The following MEGF11 variants were observed in gnomAD, a reference collection of about 807,000 sequenced individuals.
MEGF11 encodes multiple epidermal growth factor-like domains protein 11.
MEGF11 carries 126 observed loss-of-function variants against 146.6 expected under a neutral mutation model. That is an observed-to-expected ratio of 0.86 (90% CI 0.74 to 1.00). MEGF11 has a LOEUF of 1.00. MEGF11 is among the 50% of genes least tolerant of loss of function. The pLI, the probability that MEGF11 is intolerant of heterozygous loss-of-function variation, is 0.00. For synonymous variants in MEGF11, 532 were observed against 583.4 expected (o/e 0.91, Z 1.27); for missense variants, 1,509 against 1,521.2 (o/e 0.99, Z 0.13).
At chr15:66,162,244 G>A (rs1597129037) in intron 1 of MEGF11, among the ~76,000 whole-genome samples, 1 of 152,324 alleles carries the variant, frequency 6.6e-6, no homozygotes, top group East Asian at 1.9e-4. Context: ...TAAAAAGAGA[G>A]TGGCCCGATG....
chr15:66,212,749 C>A (rs1231955451), intron 1 of MEGF11, among the ~76,000 whole-genome samples: 1 of 151,782 alleles, frequency 6.6e-6, no homozygotes, highest in African/African-American at 2.4e-5. Context: ...CCTGAGGTGG[C>A]AGCCAGCACA....
At chr15:65,984,837 C>T (rs982419889) in intron 5 of MEGF11, among the ~76,000 whole-genome samples, 1 of 151,088 alleles carries the variant, frequency 6.6e-6, no homozygotes, top group Non-Finnish European at 1.5e-5. Context: ...GGTGTGATCT[C>T]GGCTCACTGC....
intron 1 of MEGF11, among the ~76,000 whole-genome samples, chr15:66,241,156 C>A (rs1210869417): frequency 6.6e-6 from 1 of 152,178 alleles, no homozygotes; most frequent in Non-Finnish European, 1.5e-5. Flanking sequence ...AAATCTCCCC[C>A]GCAGCTGCTC....
At chr15:66,180,924 G>T (rs1219675963) in intron 1 of MEGF11, among the ~76,000 whole-genome samples, 1 of 152,186 alleles carries the variant, frequency 6.6e-6, no homozygotes, top group Non-Finnish European at 1.5e-5. Flanking sequence ...CAACAGAAGA[G>T]CCTTTTGCAT....
chr15:66,137,559 CTTT>C (rs10647289), intron 1 of MEGF11, among the ~76,000 whole-genome samples: 4 of 142,134 alleles, frequency 2.8e-5, no homozygotes, highest in African/African-American at 5.2e-5. Flanking sequence ...GACTTTCTTT[CTTT>C]TTTTTTTTTT....
chr15:66,110,804 C>G (rs1231454455), intron 4 of MEGF11, among the ~76,000 whole-genome samples: 1 of 152,120 alleles, frequency 6.6e-6, no homozygotes, highest in African/African-American at 2.4e-5. Context: ...TTCAGACAGG[C>G]CCCACCATGC....
chr15:66,031,468 G>C (rs2083516456), intron 5 of MEGF11, among the ~76,000 whole-genome samples: 1 of 152,198 alleles, frequency 6.6e-6, no homozygotes, highest in South Asian at 2.1e-4. Context: ...CCGGGCTGGG[G>C]TTCTACCTCA....
Position 65,965,117 on chromosome 15 carries a change from G to A in MEGF11, c.903C>T (p.Cys301=), listed in dbSNP as rs2141563135. Reference sequence around the variant, plus strand: ...AGGACCCGAAGGGGCACTCCTCTTGGCACCTGTGGGAGAGCAGAGTGGGGC... The same window carrying A: ...AGGACCCGAAGGGGCACTCCTCTTGACACCTGTGGGAGAGCAGAGTGGGGC... ...HCTAGYMGDR[C]QEECPFGSFG... is the part of the protein sequence containing the mutation. Residue 301 remains cysteine (C), a synonymous_variant, in exon 9 of 26, where the codon TGC becomes TGT. Coordinates refer to ENST00000395614, the MANE Select transcript of MEGF11 (RefSeq NM_001385028.1). 1.3e-6 allele frequency: 2 copies of A among 1,586,100 alleles called. No individual in the cohort carries two copies. The highest frequency in any genetic ancestry group is 1.7e-5 in the Admixed American group (1 of 58,018).
rs2064722146 is a variant in MEGF11, at chr15:66,094,385, C to T, written c.394+17G>A. On this transcript the variant is annotated intron_variant, in intron 5 of 25. Coordinates refer to ENST00000395614, the MANE Select transcript of MEGF11 (RefSeq NM_001385028.1). ...TCAGAGCCAGGGTGCCTCCTGACCC[C>T]CAAACCCCAGACTCACCGCTGGAGC... is the stretch of plus-strand genomic sequence containing the variant. 3.2e-6 allele frequency: 5 copies of T among 1,551,256 alleles called. No homozygotes were observed. The South Asian group carries it at 3.6e-5, about 11-fold the overall frequency.
chr15:66,148,907 G>C (rs2089466181), intron 1 of MEGF11, among the ~76,000 whole-genome samples: 1 of 152,204 alleles, frequency 6.6e-6, no homozygotes. Flanking sequence ...CCTGGACATG[G>C]CTCTGCCATT....
At chr15:66,017,390 G>A (rs540966379) in intron 5 of MEGF11, among the ~76,000 whole-genome samples, 11 of 152,180 alleles carry the variant, frequency 7.2e-5, no homozygotes, top group Non-Finnish European at 1.3e-4. Context: ...CAGATACGAC[G>A]GTGCCCACTT....
At position 66,233,933 on chromosome 15, in the gene MEGF11, C is replaced by CT. The variant is rs796578908; in HGVS notation, c.-9+19671dup. ...TTTGTTCCACTGGACATTGTCATTT[C>CT]TTTTTTTTTTTCTTTTTCTTTTTTT... On this transcript the variant is annotated intron_variant, in intron 1 of 25. Transcript: ENST00000395614. Among the ~76,000 whole-genome samples, 479 of 131,728 alleles carry CT rather than the reference C, an allele frequency of 3.6e-3. 2 individuals are homozygous for CT. Among genetic ancestry groups the CT allele is most frequent in the African/African-American group, 0.011 (406 of 35,386 alleles). The allele number at this position is 131,728 out of a possible 152,430, so 86.4% of individuals were successfully genotyped here.
chr15:66,141,275 TGTGTGTGTGTGTGTGA>T (rs1445595881), intron 1 of MEGF11, among the ~76,000 whole-genome samples: 7 of 130,270 alleles, frequency 5.4e-5, no homozygotes, highest in East Asian at 3.2e-4. Flanking sequence ...TGTGTGTGTG[TGTGTGTGTGTGTGTGA>T]GAGAGAGAGA....
chr15:66,245,991 T>C (rs2092291247), intron 1 of MEGF11, among the ~76,000 whole-genome samples: 1 of 152,180 alleles, frequency 6.6e-6, no homozygotes. Context: ...CCAGGCATGG[T>C]GGCTCACTCC....
At chr15:65,916,062 T>G in intron 18 of MEGF11, 86 bp downstream of exon 18, 2 of 1,447,624 alleles carry the variant, frequency 1.4e-6, no homozygotes, top group South Asian at 2.8e-5. Context: ...GAGCCCTGAG[T>G]GAGTGGACCT....
intron 5 of MEGF11, among the ~76,000 whole-genome samples, chr15:66,053,746 G>A (rs1210729270): frequency 1.8e-5 from 1 of 56,028 alleles, no homozygotes; most frequent in Non-Finnish European, 3.3e-5. Flanking sequence ...TTTTTTTTTT[G>A]AGACAAGGTC....
chr15:66,077,238 G>A (rs747975124), intron 5 of MEGF11, among the ~76,000 whole-genome samples: 2 of 152,206 alleles, frequency 1.3e-5, no homozygotes, highest in Non-Finnish European at 2.9e-5. Context: ...ATGTGGGTGG[G>A]CCTGCCTGGA....
At chr15:66,066,434 A>T (rs1012497255) in intron 5 of MEGF11, among the ~76,000 whole-genome samples, 1 of 152,212 alleles carries the variant, frequency 6.6e-6, no homozygotes, top group Admixed American at 6.5e-5. Flanking sequence ...GGAATTTAAA[A>T]TTTTTATGTG....
chr15:65,926,748 G>A (rs2079385894), intron 13 of MEGF11, among the ~76,000 whole-genome samples: 1 of 152,216 alleles, frequency 6.6e-6, no homozygotes, highest in Non-Finnish European at 1.5e-5. Flanking sequence ...CTTGCTGAAA[G>A]GTGGTTCACC....
Sources: allele counts gnomAD v4.1 joint callset (sites outside exome capture counted in the v4.1 genomes callset), GRCh38; gene constraint gnomAD v4.1.1; transcripts MANE v1.5; gene names NCBI Gene and HGNC (gene_info 2026-07-23, HGNC 2026-07-21).